Variants in ZSWIM6 observed in about 807,000 individuals in gnomAD.
ZSWIM6 encodes zinc finger SWIM-type containing 6.
A neutral mutation model predicts 113.2 loss-of-function variants in ZSWIM6; 9 were observed. That is an observed-to-expected ratio of 0.08 (90% CI 0.05 to 0.14). ZSWIM6 has a LOEUF of 0.14. Ranked by LOEUF, ZSWIM6 falls within the 10% of genes least tolerant of loss-of-function variation. The pLI, the probability that ZSWIM6 is intolerant of heterozygous loss-of-function variation, is 1.00. For synonymous variants in ZSWIM6, 611 were observed against 606.5 expected (o/e 1.01, Z -0.11); for missense variants, 1,162 against 1,552.2 (o/e 0.75, Z 4.22).
At chr5:61,485,530 C>T (rs1221504192) in intron 2 of ZSWIM6, among the ~76,000 whole-genome samples, 2 of 152,184 alleles carry the variant, frequency 1.3e-5, no homozygotes, top group Non-Finnish European at 2.9e-5. Context: ...GTCTGTGTGT[C>T]AGTGAGTTTT....
At chr5:61,538,506 G>A (rs1279232305) in intron 10 of ZSWIM6, among the ~76,000 whole-genome samples, 4 of 152,056 alleles carry the variant, frequency 2.6e-5, no homozygotes, top group African/African-American at 7.2e-5. Context: ...CGGTGTTTGC[G>A]TATCTTAATT....
At chr5:61,379,884 G>C (rs1270334538) in intron 1 of ZSWIM6, among the ~76,000 whole-genome samples, 1 of 152,106 alleles carries the variant, frequency 6.6e-6, no homozygotes, top group Non-Finnish European at 1.5e-5. Flanking sequence ...CATTCAAAAG[G>C]AACTGAAAGT....
Position 61,543,768 on chromosome 5 carries a change from A to G in ZSWIM6, c.3099A>G (p.Ile1033Met). The change falls in exon 14 of 14, where the codon ATA becomes ATG. Residue 1033 changes from isoleucine (I) to methionine (M), a missense_variant. Around this residue, in one of 4 missense-constraint regions of ZSWIM6, gnomAD observed 620 missense variants for 804.6 expected, o/e 0.77. Coordinates refer to ENST00000252744, the MANE Select transcript of ZSWIM6 (RefSeq NM_020928.2). The surrounding 1 kb of genome is among the most constrained non-coding windows in gnomAD (Gnocchi z 4.3). ...TGMSYTQLFTIARYMEHRGYP... is the reference protein window; with the variant it reads ...TGMSYTQLFTMARYMEHRGYP... ...TGAGCTATACACAGCTCTTTACAATAGCACGGTACATGGAGCACCGCGGGT... is the reference window on the plus strand; with the variant it reads ...TGAGCTATACACAGCTCTTTACAATGGCACGGTACATGGAGCACCGCGGGT... 1.3e-6 allele frequency: 2 copies of G among 1,551,832 alleles called. No homozygotes were observed. The highest frequency in any genetic ancestry group is 8.7e-7 in the Non-Finnish European group (1 of 1,147,012).
At chr5:61,363,970 C>T (rs1359870371) in intron 1 of ZSWIM6, among the ~76,000 whole-genome samples, 3 of 144,532 alleles carry the variant, frequency 2.1e-5, no homozygotes, top group African/African-American at 7.6e-5. Flanking sequence ...TCCTTCCTTC[C>T]TCCCTCCCTC....
intron 1 of ZSWIM6, among the ~76,000 whole-genome samples, chr5:61,378,533 A>G (rs1366691955): frequency 1.3e-5 from 2 of 152,058 alleles, no homozygotes; most frequent in Non-Finnish European, 2.9e-5. Flanking sequence ...CTGAGGGACA[A>G]GGACACCCTT....
chr5:61,432,676 T>G (rs1479362417), intron 1 of ZSWIM6, among the ~76,000 whole-genome samples: 1 of 152,240 alleles, frequency 6.6e-6, no homozygotes, highest in Admixed American at 6.5e-5. Context: ...TTCATTTGTC[T>G]TAATGATGAT....
intron 1 of ZSWIM6, among the ~76,000 whole-genome samples, chr5:61,460,873 A>C (rs550671163): frequency 6.6e-6 from 1 of 151,860 alleles, no homozygotes; most frequent in African/African-American, 2.4e-5. Context: ...TTATGTTTCT[A>C]TATTATTTAT....
At chr5:61,536,995 C>T (rs902230417) in intron 10 of ZSWIM6, among the ~76,000 whole-genome samples, 3 of 152,142 alleles carry the variant, frequency 2.0e-5, no homozygotes, top group African/African-American at 7.2e-5. Context: ...TGGAAGCTGT[C>T]TTATGAAGAC....
intron 2 of ZSWIM6, among the ~76,000 whole-genome samples, chr5:61,490,567 T>C (rs1331919060): frequency 6.6e-6 from 1 of 152,100 alleles, no homozygotes; most frequent in Non-Finnish European, 1.5e-5. Context: ...ACCTAAAAAA[T>C]AGAAATATCT....
At chr5:61,512,789 T>G (rs1319542944) in intron 4 of ZSWIM6, among the ~76,000 whole-genome samples, 1 of 152,156 alleles carries the variant, frequency 6.6e-6, no homozygotes, top group Non-Finnish European at 1.5e-5. Flanking sequence ...GTAAAATGTC[T>G]TTCTGAATTT....
intron 2 of ZSWIM6, among the ~76,000 whole-genome samples, chr5:61,480,065 G>A (rs1747814334): frequency 6.6e-6 from 1 of 152,050 alleles, no homozygotes; most frequent in South Asian, 2.1e-4. Flanking sequence ...TTATATTTGT[G>A]TACTGAGTAA....
At chr5:61,348,146 G>A (rs2112035709) in intron 1 of ZSWIM6, among the ~76,000 whole-genome samples, 2 of 152,292 alleles carry the variant, frequency 1.3e-5, no homozygotes, top group Admixed American at 1.3e-4. Context: ...GCGTCAACCC[G>A]GGAGGTGGAG....
intron 1 of ZSWIM6, among the ~76,000 whole-genome samples, chr5:61,454,855 A>T (rs1325505344): frequency 1.3e-5 from 2 of 149,896 alleles, no homozygotes; most frequent in African/African-American, 4.9e-5. Context: ...AAGTGCTGGG[A>T]TTACAGGCGT....
At chr5:61,338,091 C>T (rs187957962) in intron 1 of ZSWIM6, among the ~76,000 whole-genome samples, 2 of 151,712 alleles carry the variant, frequency 1.3e-5, no homozygotes, top group East Asian at 3.9e-4. Flanking sequence ...AGAATATCGC[C>T]CAGCATTCCA....
intron 1 of ZSWIM6, among the ~76,000 whole-genome samples, chr5:61,469,216 G>T (rs896316935): frequency 1.1e-4 from 17 of 152,216 alleles, no homozygotes; most frequent in Non-Finnish European, 2.4e-4. Context: ...GCAGTTATCT[G>T]TTAGAGTTCT....
In ZSWIM6 at chr5:61,507,543, A is replaced by C. The variant is rs1748657955; in HGVS notation, c.1333+13133A>C. 2.0e-5 allele frequency among the ~76,000 whole-genome samples: 3 copies of C among 152,216 alleles called. No individual in the cohort carries two copies. The South Asian group carries it at 6.2e-4, about 31-fold the overall frequency. On this transcript the variant is annotated intron_variant, in intron 4 of 13. Coordinates refer to ENST00000252744, the MANE Select transcript of ZSWIM6 (RefSeq NM_020928.2). ...AAAACAGATTTCTTCTGACTTGAAT[A>C]ATCAATCTTGAATCATAAATTGAGC...
chr5:61,418,683 T>C (rs1746300558), intron 1 of ZSWIM6, among the ~76,000 whole-genome samples: 1 of 152,232 alleles, frequency 6.6e-6, no homozygotes, highest in Admixed American at 6.5e-5. Flanking sequence ...GATGTGGTAC[T>C]TTAAGGACAG....
chr5:61,502,492 TACC>T (rs1384458771), intron 4 of ZSWIM6, among the ~76,000 whole-genome samples: 2 of 152,186 alleles, frequency 1.3e-5, no homozygotes, highest in Admixed American at 6.5e-5. Flanking sequence ...AGTGTGACTT[TACC>T]ACATTACTAC....
intron 1 of ZSWIM6, among the ~76,000 whole-genome samples, chr5:61,389,768 G>A (rs1745665896): frequency 6.6e-6 from 1 of 152,182 alleles, no homozygotes; most frequent in African/African-American, 2.4e-5. Context: ...AACTGTCAGT[G>A]TTGTCAGTAG....
Sources: gnomAD v4.1 joint callset for allele counts (sites outside exome capture counted in the v4.1 genomes callset) on GRCh38, gnomAD v4.1.1 for gene constraint, gnomAD v4.1.1 regional missense constraint, Gnocchi (gnomAD v3.1) non-coding constraint, MANE v1.5 for transcripts, NCBI Gene and HGNC (gene_info 2026-07-23, HGNC 2026-07-21) for gene names.